LAPTM4B: variants seen among roughly 807,000 people sequenced by gnomAD.
LAPTM4B encodes the protein lysosomal-associated transmembrane protein 4B.
A neutral mutation model predicts 28.5 loss-of-function variants in LAPTM4B; 26 were observed. The ratio of observed to expected loss-of-function variants is 0.91; its 90% CI spans 0.67 to 1.27. The LOEUF is 1.27. Ranked by LOEUF, LAPTM4B falls within the 50% of genes most tolerant of loss-of-function variation. The pLI, the probability that LAPTM4B is intolerant of heterozygous loss-of-function variation, is 0.00. For missense variants in LAPTM4B, 288 were observed against 285.8 expected (o/e 1.01, Z -0.06); for synonymous variants, 109 against 106.4 (o/e 1.02, Z -0.15).
chr8:97,833,819 G>A (rs1442013069), intron 6 of LAPTM4B, among the ~76,000 whole-genome samples: 41 of 152,072 alleles, frequency 2.7e-4, no homozygotes, highest in Non-Finnish European at 4.4e-5. Flanking sequence ...GATCATTAGG[G>A]TTGCAATATG....
intron 6 of LAPTM4B, among the ~76,000 whole-genome samples, chr8:97,845,697 C>T (rs74711626): frequency 0.029 from 4,469 of 152,028 alleles, 213 homozygotes; most frequent in African/African-American, 0.1. Context: ...GCTCTAGACA[C>T]CCTCCCCAGG....
At chr8:97,826,805 G>A (rs867133923) in intron 6 of LAPTM4B, among the ~76,000 whole-genome samples, 2 of 152,062 alleles carry the variant, frequency 1.3e-5, no homozygotes, top group Non-Finnish European at 2.9e-5. Flanking sequence ...CACTGTGCCC[G>A]GCCTGTTTTA....
At chr8:97,824,528 T>C (rs1360897177) in intron 5 of LAPTM4B, among the ~76,000 whole-genome samples, 3 of 152,238 alleles carry the variant, frequency 2.0e-5, no homozygotes, top group Non-Finnish European at 4.4e-5. Context: ...CGTCGTCGGA[T>C]ATTTCGTTAA....
chr8:97,780,674 G>T (rs554261671), intron 1 of LAPTM4B, among the ~76,000 whole-genome samples: 1 of 152,182 alleles, frequency 6.6e-6, no homozygotes, highest in African/African-American at 2.4e-5. Context: ...AGAAAACTGA[G>T]GCTTAGAGAA....
intron 6 of LAPTM4B, among the ~76,000 whole-genome samples, chr8:97,846,523 C>T (rs1817437048): frequency 6.6e-6 from 1 of 152,090 alleles, no homozygotes; most frequent in Non-Finnish European, 1.5e-5. Flanking sequence ...AACGGGGTTT[C>T]TCCATGTTAG....
At chr8:97,824,454 C>T (rs907422720) in intron 5 of LAPTM4B, among the ~76,000 whole-genome samples, 1 of 152,176 alleles carries the variant, frequency 6.6e-6, no homozygotes. Context: ...ATAGCTTAAA[C>T]ATCTCCCGTG....
At chr8:97,808,019 C>T (rs938191850) in intron 2 of LAPTM4B, among the ~76,000 whole-genome samples, 2 of 151,332 alleles carry the variant, frequency 1.3e-5, no homozygotes, top group African/African-American at 4.9e-5. Context: ...TGGGGTTTCG[C>T]CATGTTGCGT....
At chr8:97,832,463 G>A (rs1817194922) in intron 6 of LAPTM4B, among the ~76,000 whole-genome samples, 1 of 152,168 alleles carries the variant, frequency 6.6e-6, no homozygotes, top group Admixed American at 6.5e-5. Flanking sequence ...CCATTTTTAA[G>A]ATGAGGAAAC....
chr8:97,793,685 G>A (rs985030029), intron 1 of LAPTM4B, among the ~76,000 whole-genome samples: 1 of 152,164 alleles, frequency 6.6e-6, no homozygotes, highest in African/African-American at 2.4e-5. Flanking sequence ...AATGTCTATC[G>A]TTTCCCAAAT....
At chr8:97,791,595 G>A (rs1816500286) in intron 1 of LAPTM4B, among the ~76,000 whole-genome samples, 1 of 152,154 alleles carries the variant, frequency 6.6e-6, no homozygotes, top group South Asian at 2.1e-4. Flanking sequence ...AGTGCTGTCT[G>A]GAGCACTCCC....
intron 6 of LAPTM4B, among the ~76,000 whole-genome samples, chr8:97,841,832 A>G (rs543546839): frequency 3.9e-5 from 6 of 152,330 alleles, no homozygotes; most frequent in African/African-American, 1.2e-4. Context: ...TAAACACTGC[A>G]CATTTTAAAC....
At chr8:97,841,044 A>AAG (rs1817340078) in intron 6 of LAPTM4B, among the ~76,000 whole-genome samples, 1 of 150,106 alleles carries the variant, frequency 6.7e-6, no homozygotes, top group African/African-American at 2.5e-5. Flanking sequence ...GGCTGGGCAG[A>AAG]GGCACTCCTC....
intron 1 of LAPTM4B, among the ~76,000 whole-genome samples, chr8:97,803,207 AAG>A (rs1360756821): frequency 6.6e-6 from 1 of 152,006 alleles, no homozygotes; most frequent in African/African-American, 2.4e-5. Flanking sequence ...TCAAAAAAAA[AAG>A]AAAAAAAGTT....
chr8:97,801,541 A>G (rs769962027), intron 1 of LAPTM4B, among the ~76,000 whole-genome samples: 1 of 152,176 alleles, frequency 6.6e-6, no homozygotes, highest in South Asian at 2.1e-4. Flanking sequence ...ACAATTTTCC[A>G]CATACCTTTT....
At chr8:97,825,900 A>T (rs1346125856) in intron 6 of LAPTM4B, among the ~76,000 whole-genome samples, 1 of 152,206 alleles carries the variant, frequency 6.6e-6, no homozygotes, top group Non-Finnish European at 1.5e-5. Flanking sequence ...ACTGTGTGGC[A>T]TGGGACAGGA....
chr8:97,824,369 A>G (rs1265719994), intron 5 of LAPTM4B, among the ~76,000 whole-genome samples: 1 of 152,190 alleles, frequency 6.6e-6, no homozygotes, highest in East Asian at 1.9e-4. Flanking sequence ...TAATCAAAGA[A>G]TTTTAATGTT....
At chr8:97,822,247 A>G (rs1160821520) in intron 5 of LAPTM4B, among the ~76,000 whole-genome samples, 3 of 151,940 alleles carry the variant, frequency 2.0e-5, no homozygotes, top group Non-Finnish European at 4.4e-5. Flanking sequence ...TTTGAAGGGT[A>G]GACTCCCCTT....
chr8:97,810,843 G>C (rs1199745165), intron 2 of LAPTM4B, among the ~76,000 whole-genome samples: 1 of 152,202 alleles, frequency 6.6e-6, no homozygotes, highest in Non-Finnish European at 1.5e-5. Context: ...GAAATGGCCA[G>C]ATAAGTTGTC....
At chr8:97,782,085 A>G (rs924184297) in intron 1 of LAPTM4B, among the ~76,000 whole-genome samples, 3 of 150,802 alleles carry the variant, frequency 2.0e-5, no homozygotes, top group East Asian at 2.0e-4. Context: ...GGTTCAAGCA[A>G]TTCTCCTGCC....
Sources: allele counts gnomAD v4.1 joint callset (sites outside exome capture counted in the v4.1 genomes callset), GRCh38; gene constraint gnomAD v4.1.1; transcripts MANE v1.5; gene names NCBI Gene and HGNC (gene_info 2026-07-23, HGNC 2026-07-21).